The following FOXN3 variants were observed in gnomAD, a reference collection of about 807,000 sequenced individuals.
The protein encoded by FOXN3 is forkhead box N3, also known as forkhead box protein N3.
Under a neutral mutation model 38.4 loss-of-function variants are expected in FOXN3, and 7 were observed. The ratio of observed to expected loss-of-function variants is 0.18; its 90% CI spans 0.10 to 0.34. The LOEUF (loss-of-function observed/expected upper bound fraction) is 0.34. Ranked by LOEUF, FOXN3 falls within the 10% of genes least tolerant of loss-of-function variation. FOXN3 has a pLI of 1.00. For missense variants in FOXN3, 456 were observed against 613.4 expected, an observed-to-expected ratio of 0.74 and a Z score of 2.71; for synonymous variants, 230 against 242.2, an observed-to-expected ratio of 0.95 and a Z score of 0.47.
At chr14:89,418,009 C>G (rs1214901380), upstream of FOXN3, among the ~76,000 whole-genome samples, 3 of 152,222 alleles carry the variant, frequency 2.0e-5, no homozygotes, top group African/African-American at 7.2e-5. Flanking sequence ...TCGCAAGCCA[C>G]CCAGCGAAAT....
chr14:89,431,462 C>T (rs1415561910), intron 1 of FOXN3, among the ~76,000 whole-genome samples: 1 of 152,076 alleles, frequency 6.6e-6, no homozygotes, highest in Non-Finnish European at 1.5e-5. Context: ...CCACCCGCCT[C>T]GGCCTCCCAA....
At chr14:89,174,656 GT>G (rs1887474929) in intron 5 of FOXN3, among the ~76,000 whole-genome samples, 1 of 152,200 alleles carries the variant, frequency 6.6e-6, no homozygotes, top group Non-Finnish European at 1.5e-5. Context: ...GCTCTAGAAT[GT>G]TGATCAAATT....
At chr14:89,350,397 T>C (rs1318091334) in intron 3 of FOXN3, 3 of 278,040 alleles carry the variant, frequency 1.1e-5, no homozygotes, top group Non-Finnish European at 2.0e-5. Context: ...ATGTGAAAGC[T>C]GTCGACTTTT....
At chr14:89,290,901 C>A in intron 3 of FOXN3, 1 of 294,510 alleles carries the variant, frequency 3.4e-6, no homozygotes, top group Non-Finnish European at 6.7e-6. Context: ...TGGAGGGGCC[C>A]TGGAGGAGGT....
intron 1 of FOXN3, among the ~76,000 whole-genome samples, chr14:89,613,709 G>A (rs757052102): frequency 2.0e-5 from 3 of 152,148 alleles, no homozygotes; most frequent in Admixed American, 1.3e-4. Flanking sequence ...CCCCATGCAG[G>A]TAGTAGAAAC....
chr14:89,582,772 C>T (rs996365454), intron 1 of FOXN3, among the ~76,000 whole-genome samples: 2 of 152,132 alleles, frequency 1.3e-5, no homozygotes, highest in African/African-American at 4.8e-5. Context: ...TAATCCTTCT[C>T]CCAGCCATCT....
chr14:89,322,343 T>C (rs1165514330), intron 3 of FOXN3, among the ~76,000 whole-genome samples: 1 of 152,242 alleles, frequency 6.6e-6, no homozygotes, highest in Non-Finnish European at 1.5e-5. Flanking sequence ...TTCATTCATC[T>C]ATCAGTAGAT....
chr14:89,409,951 A>C (rs1052397506), intron 2 of FOXN3, among the ~76,000 whole-genome samples: 17 of 152,132 alleles, frequency 1.1e-4, no homozygotes, highest in African/African-American at 3.9e-4. Flanking sequence ...GCTACACAAA[A>C]ATAAGGACCT....
chr14:89,357,316 A>T (rs1416377984), intron 2 of FOXN3, among the ~76,000 whole-genome samples: 1 of 152,234 alleles, frequency 6.6e-6, no homozygotes, highest in Admixed American at 6.5e-5. Flanking sequence ...TCTTAAAAAA[A>T]GGAGATAGAG....
rs981695649 is a variant in FOXN3, at chr14:89,548,841, G to A, written c.-15+70187C>T. Among the ~76,000 whole-genome samples, 10 of 152,056 alleles carry A rather than the reference G, an allele frequency of 6.6e-5. No homozygotes were observed. The highest frequency in any genetic ancestry group is 1.5e-4 in the Non-Finnish European group (10 of 68,008). On this transcript the variant is annotated intron_variant, in intron 1 of 6. Coordinates refer to the FOXN3 transcript ENST00000345097. The surrounding 1 kb of genome is among the most constrained non-coding windows in gnomAD (Gnocchi z 4.8). Reference sequence around the variant, plus strand: ...GGTATTCAGTTTTTTATAATGTGCCGGGCGCGGTGGCTCACGCCTGTAATC... The same window carrying A: ...GGTATTCAGTTTTTTATAATGTGCCAGGCGCGGTGGCTCACGCCTGTAATC...
chr14:89,184,877 G>A (rs1298871025), intron 4 of FOXN3, among the ~76,000 whole-genome samples: 5 of 152,306 alleles, frequency 3.3e-5, no homozygotes, highest in Non-Finnish European at 1.5e-5. Context: ...CAAGGATAGG[G>A]CTGAAAGGGG....
intron 4 of FOXN3, among the ~76,000 whole-genome samples, chr14:89,215,671 T>A (rs1047012420): frequency 6.6e-6 from 1 of 152,202 alleles, no homozygotes; most frequent in African/African-American, 2.4e-5. Flanking sequence ...TCATATGGCA[T>A]GTCTCCAGTT....
intron 1 of FOXN3, among the ~76,000 whole-genome samples, chr14:89,581,495 A>AC (rs1326035630): frequency 1.3e-5 from 2 of 151,524 alleles, no homozygotes; most frequent in Non-Finnish European, 3.0e-5. Context: ...AGAAAAAAAA[A>AC]AAGAGAAAGA....
chr14:89,211,584 G>A (rs1328504262), intron 4 of FOXN3, among the ~76,000 whole-genome samples: 1 of 152,206 alleles, frequency 6.6e-6, no homozygotes, highest in South Asian at 2.1e-4. Flanking sequence ...TAAACCTGCA[G>A]AAAGTACATG....
At chr14:89,549,711 T>A (rs1244068639) in intron 1 of FOXN3, among the ~76,000 whole-genome samples, 1 of 152,236 alleles carries the variant, frequency 6.6e-6, no homozygotes, top group East Asian at 1.9e-4. Context: ...TCGGTATTTC[T>A]TTTCAGATTC....
intron 1 of FOXN3, among the ~76,000 whole-genome samples, chr14:89,422,750 A>G (rs1298951766): frequency 2.0e-5 from 3 of 152,184 alleles, no homozygotes; most frequent in Non-Finnish European, 2.9e-5. Context: ...TTTACTTGAC[A>G]GATTCTGAAG....
chr14:89,377,309 T>TA (rs1442023816), intron 2 of FOXN3, among the ~76,000 whole-genome samples: 9 of 126,066 alleles, frequency 7.1e-5, no homozygotes, highest in Non-Finnish European at 1.2e-4. Flanking sequence ...TGGATGCTGG[T>TA]AAAAAATAAA....
At chr14:89,466,077 G>T (rs924557413) in intron 1 of FOXN3, among the ~76,000 whole-genome samples, 9 of 152,220 alleles carry the variant, frequency 5.9e-5, no homozygotes, top group African/African-American at 2.2e-4. Flanking sequence ...TGGGTAGGGA[G>T]GAGTCAGCCA....
intron 1 of FOXN3, among the ~76,000 whole-genome samples, chr14:89,448,470 C>T (rs926148126): frequency 2.0e-5 from 3 of 152,072 alleles, no homozygotes; most frequent in Admixed American, 6.5e-5. Context: ...ATCCTGTACA[C>T]AAGGCACTCA....
Sources: gnomAD v4.1 joint callset for allele counts (sites outside exome capture counted in the v4.1 genomes callset) on GRCh38, gnomAD v4.1.1 for gene constraint, Gnocchi (gnomAD v3.1) non-coding constraint, MANE v1.5 for transcripts, NCBI Gene and HGNC (gene_info 2026-07-23, HGNC 2026-07-21) for gene names.